Variants in CC2D2A observed in about 807,000 individuals in gnomAD.
CC2D2A encodes the protein coiled-coil and C2 domain containing 2A, also known as coiled-coil and C2 domain-containing protein 2A.
In CC2D2A, 155 loss-of-function variants were observed where a neutral mutation model predicts 212.9. The observed-to-expected ratio is 0.73, with a 90% CI of 0.64 to 0.83. The LOEUF is 0.83. Among genes scored for constraint, CC2D2A ranks in the 40% least tolerant of loss-of-function variants. CC2D2A has a pLI of 0.00. For synonymous variants in CC2D2A, 667 were observed against 686.5 expected (o/e 0.97, Z 0.44); for missense variants, 1,856 against 1,956.2 (o/e 0.95, Z 0.97).
intron 2 of CC2D2A, among the ~76,000 whole-genome samples, 173 bp from the exon 3 acceptor site, chr4:15,478,550 A>T (rs1208956743): frequency 6.6e-6 from 1 of 152,230 alleles, no homozygotes; most frequent in African/African-American, 2.4e-5. Flanking sequence ...AAACATGTCT[A>T]TGTTGAGAAG....
Position 15,569,347 on chromosome 4 carries a change from G to T in CC2D2A, c.3453G>T (p.Val1151=). The T allele has an allele frequency of 6.3e-7, 1 of 1,582,108 alleles. No homozygotes were observed. Among genetic ancestry groups the T allele is most frequent in the South Asian group, 1.2e-5 (1 of 86,234 alleles). The change falls in exon 27 of 37, where the codon GTG becomes GTT. Residue 1151 remains valine, a synonymous_variant. Transcript: ENST00000424120. ...GTCTGCAGTCAGTGAAAGATGTTGT[G>T]TTCATTAACATTTTTGATGAAGTAC... is the stretch of plus-strand genomic sequence containing the variant. ...TASLQSVKDV[V]FINIFDEVLH... is the part of the protein sequence containing the mutation.
chr4:15,481,411 T>G (rs1162799301), intron 4 of CC2D2A: 1 of 341,238 alleles, frequency 2.9e-6, no homozygotes, highest in Non-Finnish European at 5.8e-6. Flanking sequence ...CTTGGGAGGC[T>G]GAGGCATGAG....
At chr4:15,573,505 T>C (rs1390225429) in intron 28 of CC2D2A, among the ~76,000 whole-genome samples, 6 of 152,148 alleles carry the variant, frequency 3.9e-5, no homozygotes, top group Admixed American at 1.3e-4. Flanking sequence ...TGGCCAGGCT[T>C]GTCTCAAACT....
At chr4:15,509,322 G>A (rs543174994) in intron 6 of CC2D2A, among the ~76,000 whole-genome samples, 1 of 148,858 alleles carries the variant, frequency 6.7e-6, no homozygotes, top group African/African-American at 2.5e-5. Flanking sequence ...CTCCCAGGCT[G>A]GAGTGCAGTG....
chr4:15,498,252 G>A (rs1008202512), intron 4 of CC2D2A, among the ~76,000 whole-genome samples: 1 of 152,072 alleles, frequency 6.6e-6, no homozygotes, highest in Non-Finnish European at 1.5e-5. Context: ...ACATCACTTT[G>A]CCAAAGAAAT....
intron 21 of CC2D2A, among the ~76,000 whole-genome samples, chr4:15,558,763 C>T (rs190939815): frequency 2.5e-4 from 38 of 152,112 alleles, no homozygotes; most frequent in Middle Eastern, 3.4e-3. Context: ...GCATCACTCT[C>T]CTCCAAGCAG....
chr4:15,586,116 T>A (rs775555653), intron 30 of CC2D2A, 41 bp from the exon 31 acceptor site: 6 of 1,394,634 alleles, frequency 4.3e-6, no homozygotes, highest in African/African-American at 1.4e-5. Flanking sequence ...CATTCTGTTT[T>A]ATTATAAATT....
At chr4:15,513,541 T>C (rs1013092705) in intron 8 of CC2D2A, among the ~76,000 whole-genome samples, 5 of 152,218 alleles carry the variant, frequency 3.3e-5, no homozygotes, top group Non-Finnish European at 5.9e-5. Flanking sequence ...ATCACACACA[T>C]TTGGAAGCCC....
chr4:15,560,691 G>C, intron 23 of CC2D2A, 69 bp downstream of exon 23: 1 of 686,360 alleles, frequency 1.5e-6, no homozygotes, highest in Non-Finnish European at 2.4e-6. Context: ...TTATATGAAA[G>C]GTATCATATA....
chr4:15,509,277 C>CTT (rs34725428), intron 6 of CC2D2A, among the ~76,000 whole-genome samples: 6,490 of 145,272 alleles, frequency 0.045, 199 homozygotes, highest in Non-Finnish European at 0.067. Flanking sequence ...TGAGATAACA[C>CTT]TTTTTTTTTT....
rs114435973 is a variant in CC2D2A at position 15,529,262 on chromosome 4, G to A, written c.1466+536G>A. On this transcript the variant is annotated intron_variant, in intron 13 of 36. Coordinates refer to ENST00000424120, the MANE Select transcript of CC2D2A (RefSeq NM_001378615.1). ...CTGAGTATAGTAGTATGTGCATGTA[G>A]TCCCAACTACTCGGAAGGCTGAGGA... Among the ~76,000 whole-genome samples the A allele has an allele frequency of 5.2e-3, 792 of 152,112 alleles. 10 individuals are homozygous for A. The highest frequency in any genetic ancestry group is 0.018 in the African/African-American group (752 of 41,500).
At position 15,528,758 on chromosome 4, in the gene CC2D2A, T is replaced by C. The variant is rs913808111; in HGVS notation, c.1466+32T>C. The C allele has an allele frequency of 4.7e-6, 7 of 1,491,868 alleles. No homozygotes were observed. The African/African-American group carries it at 8.3e-5, about 18-fold the overall frequency. 92.4% of individuals were successfully genotyped at this position (1,491,868 alleles called of 1,614,324 possible). Reference sequence around the variant, plus strand: ...AAAGTTTGTTAAGTGTAACTACTTTTTTTCCCGTTAGATGTGCACTTGTTA... The same window carrying C: ...AAAGTTTGTTAAGTGTAACTACTTTCTTTCCCGTTAGATGTGCACTTGTTA... On this transcript the variant is annotated intron_variant, in intron 13 of 36. Coordinates refer to ENST00000424120, the MANE Select transcript of CC2D2A (RefSeq NM_001378615.1).
chr4:15,547,544 G>T (rs1255393961), intron 17 of CC2D2A, among the ~76,000 whole-genome samples: 1 of 152,066 alleles, frequency 6.6e-6, no homozygotes, highest in Non-Finnish European at 1.5e-5. Flanking sequence ...CCACATATGA[G>T]TGAGAGGCCA....
At chr4:15,479,199 G>A in intron 3 of CC2D2A, 1 of 1,519,486 alleles carries the variant, frequency 6.6e-7, no homozygotes, top group Non-Finnish European at 8.8e-7. Flanking sequence ...CCAACTCCAA[G>A]CCCAAATTCT....
chr4:15,556,704 G>A (rs1234007597), intron 20 of CC2D2A, among the ~76,000 whole-genome samples: 1 of 152,208 alleles, frequency 6.6e-6, no homozygotes, highest in East Asian at 1.9e-4. Context: ...TGGGTGAGGT[G>A]CAGTCCACAT....
At chr4:15,554,126 T>A (rs888099548) in intron 19 of CC2D2A, among the ~76,000 whole-genome samples, 1 of 152,290 alleles carries the variant, frequency 6.6e-6, no homozygotes, top group African/African-American at 2.4e-5. Context: ...GCTTTCTAAG[T>A]CAGAAGCCAC....
chr4:15,569,057 C>A (rs1236247748), intron 26 of CC2D2A, among the ~76,000 whole-genome samples: 1 of 152,178 alleles, frequency 6.6e-6, no homozygotes, highest in Admixed American at 6.5e-5. Context: ...ATGAGACTCA[C>A]CAGGACAAGC....
intron 1 of CC2D2A, among the ~76,000 whole-genome samples, chr4:15,472,981 T>A (rs752444250): frequency 6.6e-6 from 1 of 152,214 alleles, no homozygotes; most frequent in Non-Finnish European, 1.5e-5. Context: ...TAGAAAGGGC[T>A]TATGATTTGT....
Position 15,557,414 on chromosome 4 carries a change from G to C in CC2D2A, c.2736G>C (p.Arg912Ser), listed in dbSNP as rs1471618183. The C allele has an allele frequency of 2.5e-6, 4 of 1,613,228 alleles. No individual in the cohort carries two copies. The highest frequency in any genetic ancestry group is 2.2e-5 in the East Asian group (1 of 44,844). Residue 912 changes from arginine to serine, a missense_variant, in exon 21 of 37, where the codon AGG becomes AGC. Transcript: ENST00000424120. Reference protein sequence around the residue: ...DQELNRSKRFRLLHLRSQEVP... With the variant: ...DQELNRSKRFSLLHLRSQEVP... ...AATTAAATAGATCCAAACGATTTAG[G>C]CTTCTTCATCTTAGAAGCCAAGAGG... is the stretch of plus-strand genomic sequence containing the variant.
Sources: allele counts gnomAD v4.1 joint callset (sites outside exome capture counted in the v4.1 genomes callset), GRCh38; gene constraint gnomAD v4.1.1; transcripts MANE v1.5; gene names NCBI Gene and HGNC (gene_info 2026-07-23, HGNC 2026-07-21).